The following MMP24 variants were observed in gnomAD, a reference collection of about 807,000 sequenced individuals.
MMP24 encodes the protein matrix metallopeptidase 24.
In MMP24, 25 loss-of-function variants were observed where a neutral mutation model predicts 62.8. The ratio of observed to expected loss-of-function variants is 0.40; its 90% CI spans 0.29 to 0.56. The LOEUF is 0.56. MMP24 is among the 20% of genes least tolerant of loss of function. The pLI, the probability that MMP24 is intolerant of heterozygous loss-of-function variation, is 0.50. For missense variants in MMP24, 634 were observed against 853.6 expected, an observed-to-expected ratio of 0.74 and a Z score of 3.21; for synonymous variants, 319 against 350.5, an observed-to-expected ratio of 0.91 and a Z score of 1.00.
rs1014639691 is a variant in MMP24 at position 35,269,978 on chromosome 20, G to A, written c.1333+80G>A. The A allele has an allele frequency of 1.5e-5, 22 of 1,513,668 alleles. No homozygotes were observed. The highest frequency in any genetic ancestry group is 1.0e-4 in the Admixed American group (5 of 48,580). The allele number at this position is 1,513,668 out of a possible 1,614,324, so 93.8% of individuals were successfully genotyped here. On this transcript the variant is annotated intron_variant, in intron 7 of 8. Coordinates refer to ENST00000246186, the MANE Select transcript of MMP24 (RefSeq NM_006690.4). This position sits in a 1 kb window ranked among gnomAD's most constrained non-coding sequence, Gnocchi z 4.6. Reference sequence around the variant, plus strand: ...TTTTCCCATCTAAACTGGAAGAGGCGGGGTGGGAGGCAGATGTCCTCAGAG... The same window carrying A: ...TTTTCCCATCTAAACTGGAAGAGGCAGGGTGGGAGGCAGATGTCCTCAGAG...
At chr20:35,272,888 C>T (rs759395176) in intron 8 of MMP24, among the ~76,000 whole-genome samples, 1 of 152,156 alleles carries the variant, frequency 6.6e-6, no homozygotes, top group Non-Finnish European at 1.5e-5. Flanking sequence ...TTAAAGAAGA[C>T]AAATTATGTA....
At chr20:35,229,826 C>T (rs2060430210) in intron 1 of MMP24, among the ~76,000 whole-genome samples, 1 of 152,110 alleles carries the variant, frequency 6.6e-6, no homozygotes, top group Non-Finnish European at 1.5e-5. Flanking sequence ...TGCACCCCTA[C>T]CCGTTCATTT....
At chr20:35,268,838 T>G (rs901695712) in intron 6 of MMP24, among the ~76,000 whole-genome samples, 1 of 151,914 alleles carries the variant, frequency 6.6e-6, no homozygotes, top group African/African-American at 2.4e-5. Context: ...CCATCCTGGC[T>G]AACATGGTGA....
chr20:35,271,518 A>G lies in MMP24; in HGVS notation c.1334-51A>G. The G allele has an allele frequency of 1.3e-6, 2 of 1,581,284 alleles. No individual in the cohort carries two copies. Among genetic ancestry groups the G allele is most frequent in the African/African-American group, 2.7e-5 (2 of 74,322 alleles). Reference sequence around the variant, plus strand: ...TCACCTGACACCCTGAAGATGGGCAAACGGCACTGAGTGACTGGGGAAGCT... The same window carrying G: ...TCACCTGACACCCTGAAGATGGGCAGACGGCACTGAGTGACTGGGGAAGCT... On this transcript the variant is annotated intron_variant, in intron 7 of 8. Transcript: ENST00000246186. This position sits in a 1 kb window ranked among gnomAD's most constrained non-coding sequence, Gnocchi z 4.0.
intron 4 of MMP24, among the ~76,000 whole-genome samples, chr20:35,259,172 T>C (rs2060590213): frequency 6.6e-6 from 1 of 152,058 alleles, no homozygotes; most frequent in Admixed American, 6.6e-5. Flanking sequence ...CAGAGTGAGA[T>C]CCTGTCTCAA....
chr20:35,233,394 C>G (rs1015653972), intron 1 of MMP24, among the ~76,000 whole-genome samples: 4 of 152,100 alleles, frequency 2.6e-5, no homozygotes, highest in Non-Finnish European at 4.4e-5. Context: ...AAGCAAGACT[C>G]TGTATCAAAA....
chr20:35,259,106 G>A (rs2060589754), intron 4 of MMP24, among the ~76,000 whole-genome samples: 1 of 152,162 alleles, frequency 6.6e-6, no homozygotes, highest in South Asian at 2.1e-4. Context: ...GCTTGAACCC[G>A]GGAGGCGGAG....
intron 1 of MMP24, among the ~76,000 whole-genome samples, chr20:35,228,298 G>A (rs2060423978): frequency 6.6e-6 from 1 of 152,150 alleles, no homozygotes; most frequent in African/African-American, 2.4e-5. Flanking sequence ...AAAAAGATAT[G>A]GTGTGTAAAA....
intron 1 of MMP24, among the ~76,000 whole-genome samples, chr20:35,228,495 G>A (rs976854769): frequency 4.6e-5 from 7 of 152,176 alleles, no homozygotes; most frequent in African/African-American, 1.4e-4. Context: ...CACAGGATGA[G>A]GTGGAAAGAC....
At position 35,276,319 on chromosome 20, in the gene MMP24, G is replaced by A. The variant is rs547644090; in HGVS notation, c.*1710G>A. 1.6e-4 allele frequency: 65 copies of A among 399,082 alleles called. No individual in the cohort carries two copies. In the South Asian group the frequency reaches 3.1e-3, roughly 19 times the overall value. 24.7% of individuals were successfully genotyped at this position (399,082 alleles called of 1,614,324 possible). ...CCTGGGACAGGCAGGGAACAACTGC[G>A]GAGATATTAGTGATTCATAGGTTTG... On this transcript the variant is annotated 3_prime_UTR_variant, in exon 9 of 9. Transcript: ENST00000246186.
chr20:35,245,305 G>A (rs1446637489), intron 1 of MMP24, among the ~76,000 whole-genome samples: 1 of 152,082 alleles, frequency 6.6e-6, no homozygotes, highest in Admixed American at 6.6e-5. Flanking sequence ...GGGATTACAG[G>A]CATGAGCCAC....
intron 1 of MMP24, among the ~76,000 whole-genome samples, chr20:35,241,592 T>A (rs548266524): frequency 6.6e-6 from 1 of 152,286 alleles, no homozygotes; most frequent in South Asian, 2.1e-4. Flanking sequence ...TCCTAACTCC[T>A]GATGTGGCCA....
At chr20:35,245,175 C>T (rs2060508180) in intron 1 of MMP24, among the ~76,000 whole-genome samples, 1 of 152,084 alleles carries the variant, frequency 6.6e-6, no homozygotes, top group Non-Finnish European at 1.5e-5. Flanking sequence ...CATGGGTGCA[C>T]ACCAGCATGC....
chr20:35,262,123 T>C (rs193176267), intron 4 of MMP24, among the ~76,000 whole-genome samples: 1 of 152,256 alleles, frequency 6.6e-6, no homozygotes, highest in Admixed American at 6.5e-5. Context: ...TTTTCATCTC[T>C]TGTAGGGGTG....
At position 35,276,813 on chromosome 20, in the gene MMP24, G is replaced by C. The variant is rs1345546133; in HGVS notation, c.*2204G>C. The C allele has an allele frequency of 6.5e-6, 1 of 153,056 alleles. No individual in the cohort carries two copies. The highest frequency in any genetic ancestry group is 1.5e-5 in the Non-Finnish European group (1 of 68,352). 9.5% of individuals were successfully genotyped at this position (153,056 alleles called of 1,614,324 possible). The stretch of plus-strand genomic sequence containing the variant: ...CTTCCAATCTCAGATTCTCCTGCCT[G>C]TGGTCATCTGTTTGTCCATCACCCC... On this transcript the variant is annotated 3_prime_UTR_variant, in exon 9 of 9. Coordinates refer to ENST00000246186, the MANE Select transcript of MMP24 (RefSeq NM_006690.4).
intron 2 of MMP24, among the ~76,000 whole-genome samples, chr20:35,250,572 A>AAAAG (rs1350984308): frequency 6.6e-6 from 1 of 152,008 alleles, no homozygotes; most frequent in Non-Finnish European, 1.5e-5. Context: ...CAAAAAAAAA[A>AAAAG]AAAGAAAGAA....
chr20:35,227,807 C>T (rs2060421318), intron 1 of MMP24, among the ~76,000 whole-genome samples: 1 of 152,110 alleles, frequency 6.6e-6, no homozygotes, highest in African/African-American at 2.4e-5. Context: ...ATTATTATCC[C>T]CATTTTACAG....
At chr20:35,270,984 G>A (rs945154914) in intron 7 of MMP24, among the ~76,000 whole-genome samples, 1 of 152,224 alleles carries the variant, frequency 6.6e-6, no homozygotes, top group Non-Finnish European at 1.5e-5. Flanking sequence ...AGGTTGTGGT[G>A]AGCTGAGATC....
rs773742922 is a variant in MMP24 at position 35,251,936 on chromosome 20, G to A, written c.427G>A (p.Asp143Asn). The change falls in exon 3 of 9, where the codon GAT becomes AAT. Residue 143 changes from aspartate to asparagine, a missense_variant. Around this residue, in one of 3 missense-constraint regions of MMP24, gnomAD observed 212 missense variants for 259.6 expected, o/e 0.82. Transcript: ENST00000246186. Reference sequence around the variant, plus strand: ...GAAGAAACCCCGATGTGGTGTCCCTGATCACCCCCACTTAAGCCGTAGGCG... The same window carrying A: ...GAAGAAACCCCGATGTGGTGTCCCTAATCACCCCCACTTAAGCCGTAGGCG... ...WMKKPRCGVP[D>N]HPHLSRRRRN... is the part of the protein sequence containing the mutation. 1 of 1,613,980 alleles carries A rather than the reference G, an allele frequency of 6.2e-7. No homozygotes were observed. The highest frequency in any genetic ancestry group is 8.5e-7 in the Non-Finnish European group (1 of 1,179,884).
Sources: gnomAD v4.1 joint callset for allele counts (sites outside exome capture counted in the v4.1 genomes callset) on GRCh38, gnomAD v4.1.1 for gene constraint, gnomAD v4.1.1 regional missense constraint, Gnocchi (gnomAD v3.1) non-coding constraint, MANE v1.5 for transcripts, NCBI Gene and HGNC (gene_info 2026-07-23, HGNC 2026-07-21) for gene names.